The following EDC3 variants were observed in gnomAD, a reference collection of about 807,000 sequenced individuals.
EDC3 encodes enhancer of mRNA-decapping protein 3.
In EDC3, 20 loss-of-function variants were observed where a neutral mutation model predicts 41.8. The observed-to-expected ratio is 0.48, with a 90% confidence interval of 0.34 to 0.70. EDC3 has a LOEUF of 0.70. Ranked by LOEUF, EDC3 falls within the 30% of genes least tolerant of loss-of-function variation. EDC3 has a pLI of 0.01. For missense variants in EDC3, 444 were observed against 636.8 expected (o/e 0.70, Z 3.26); for synonymous variants, 206 against 243.2 (o/e 0.85, Z 1.42).
chr15:74,635,501 A>G lies in EDC3; in HGVS notation c.1100T>C (p.Phe367Ser). The G allele has an allele frequency of 6.2e-7, 1 of 1,614,258 alleles. No individual in the cohort carries two copies. Among genetic ancestry groups the G allele is most frequent in the Non-Finnish European group, 8.5e-7 (1 of 1,180,044 alleles). Reference protein sequence around the residue: ...LANHDVQVILFLPNFVKMLES... With the variant: ...LANHDVQVILSLPNFVKMLES... ...CAACATCTTGACAAAATTGGGCAGG[A>G]AAAGGATGACCTGGACATCATGGTT... Residue 367 changes from phenylalanine to serine, a missense_variant, in exon 6 of 7, where the codon TTC (phenylalanine) becomes TCC (serine). By Grantham distance (155) the Phe-to-Ser change is radical (BLOSUM62 -2). Transcript: ENST00000315127.
intron 1 of EDC3, among the ~76,000 whole-genome samples, chr15:74,685,117 A>G (rs1341079787): frequency 1.3e-5 from 2 of 152,140 alleles, no homozygotes; most frequent in African/African-American, 4.8e-5. Flanking sequence ...TGTGTTGGTC[A>G]GGCATGGTGG....
intron 1 of EDC3, among the ~76,000 whole-genome samples, chr15:74,675,549 A>G (rs1262483417): frequency 6.6e-6 from 1 of 150,486 alleles, no homozygotes; most frequent in Non-Finnish European, 1.5e-5. Context: ...TGATAATAAT[A>G]ATAATAATTA....
Position 74,632,588 on chromosome 15 carries a change from G to C in EDC3, c.*24C>G, listed in dbSNP as rs370249779. ...TTATCAGGAGCAGCAGGGGACAGCA[G>C]AGTCCTGCCTGCGCAGGAACCCTCT... On this transcript the variant is annotated 3_prime_UTR_variant, in exon 7 of 7. Coordinates refer to ENST00000315127, the MANE Select transcript of EDC3 (RefSeq NM_025083.5). The surrounding 1 kb of genome is among the most constrained non-coding windows in gnomAD (Gnocchi z 4.0). 10 of 1,605,034 alleles carry C rather than the reference G, an allele frequency of 6.2e-6. No homozygotes were observed. The highest frequency in any genetic ancestry group is 8.5e-6 in the Non-Finnish European group (10 of 1,173,838).
chr15:74,689,150 C>T (rs947305945), intron 1 of EDC3, among the ~76,000 whole-genome samples: 9 of 152,142 alleles, frequency 5.9e-5, no homozygotes, highest in African/African-American at 2.2e-4. Context: ...GCATATAACA[C>T]AGGAAGTCAT....
intron 1 of EDC3, among the ~76,000 whole-genome samples, chr15:74,683,690 C>T (rs993068586): frequency 2.6e-5 from 4 of 151,994 alleles, no homozygotes; most frequent in South Asian, 2.1e-4. Context: ...CTTACAATGG[C>T]ATGTGAATCT....
intron 4 of EDC3, among the ~76,000 whole-genome samples, chr15:74,652,622 C>G (rs1477739730): frequency 6.6e-6 from 1 of 151,796 alleles, no homozygotes; most frequent in Non-Finnish European, 1.5e-5. Context: ...GACTCTGTCA[C>G]CCAGGCTGGA....
chr15:74,689,272 C>A (rs1478693685), intron 1 of EDC3, among the ~76,000 whole-genome samples: 5 of 152,146 alleles, frequency 3.3e-5, no homozygotes, highest in African/African-American at 1.2e-4. Flanking sequence ...TCTTTCTGCT[C>A]CTCATCTTGC....
chr15:74,677,069 C>CTT (rs199609236), intron 1 of EDC3: 29 of 147,262 alleles, frequency 2.0e-4, no homozygotes, highest in South Asian at 1.3e-3. Context: ...ATGCATTTTT[C>CTT]TTTTTTTTTT....
chr15:74,692,239 A>G (rs1282439062), intron 1 of EDC3, among the ~76,000 whole-genome samples: 2 of 152,258 alleles, frequency 1.3e-5, no homozygotes, highest in African/African-American at 4.8e-5. Flanking sequence ...GCTTTAGGAT[A>G]AAATTCTGTG....
At chr15:74,674,071 C>T (rs766875070) in intron 2 of EDC3, among the ~76,000 whole-genome samples, 1 of 152,052 alleles carries the variant, frequency 6.6e-6, no homozygotes, top group Admixed American at 6.6e-5. Flanking sequence ...AACTAAAGGA[C>T]AGTACTGTAC....
Position 74,671,386 on chromosome 15 carries a change from C to G in EDC3, c.484+69G>C. On this transcript the variant is annotated intron_variant, in intron 3 of 6. Transcript: ENST00000315127. This position sits in a 1 kb window ranked among gnomAD's most constrained non-coding sequence, Gnocchi z 4.6. ...AATAACAAAGGATTTGTTTAAAGAG[C>G]AGCAGTGCTTATGGCTTATAGCCCT... The G allele has an allele frequency of 6.7e-7, 1 of 1,482,968 alleles. No homozygotes were observed. Among genetic ancestry groups the G allele is most frequent in the Admixed American group, 1.9e-5 (1 of 51,440 alleles). 91.9% of individuals were successfully genotyped at this position (1,482,968 alleles called of 1,614,324 possible). A position where few individuals can be genotyped will look rare whatever the true frequency, so the allele number is the denominator to read the frequency against.
At chr15:74,649,972 A>G (rs754524841) in intron 4 of EDC3, among the ~76,000 whole-genome samples, 2 of 152,004 alleles carry the variant, frequency 1.3e-5, no homozygotes, top group Non-Finnish European at 2.9e-5. Flanking sequence ...ATACCTCCAA[A>G]TCCTCCTGTT....
chr15:74,691,807 G>T (rs1458089343), intron 1 of EDC3, among the ~76,000 whole-genome samples: 1 of 151,976 alleles, frequency 6.6e-6, no homozygotes, highest in Non-Finnish European at 1.5e-5. Flanking sequence ...ATTATCTACG[G>T]CTATTTTCTG....
rs2062228981 is a variant in EDC3, at chr15:74,632,863, T to C, written c.1276A>G (p.Lys426Glu). Residue 426 changes from lysine (K) to glutamate (E), a missense_variant, in exon 7 of 7, where the codon AAG becomes GAG. Around this residue, in one of 3 missense-constraint regions of EDC3, gnomAD observed 242 missense variants for 363.8 expected, o/e 0.67. Transcript: ENST00000315127. This position sits in a 1 kb window ranked among gnomAD's most constrained non-coding sequence, Gnocchi z 4.0. ...NVFLRDQPWYKAAVAWANQNR... is the reference protein window; with the variant it reads ...NVFLRDQPWYEAAVAWANQNR... ...TGGTTGGCCCAGGCCACAGCTGCCT[T>C]GTACCAGGGTTGATCGCGCAGGAAG... 6.2e-7 allele frequency: 1 copy of C among 1,614,132 alleles called. No homozygotes were observed. The highest frequency in any genetic ancestry group is 1.3e-5 in the African/African-American group (1 of 74,934).
intron 4 of EDC3, among the ~76,000 whole-genome samples, chr15:74,646,059 GTT>G (rs1030593171): frequency 7.5e-6 from 1 of 133,328 alleles, no homozygotes; most frequent in African/African-American, 3.0e-5. Context: ...TGTTGTTGTT[GTT>G]TTGTTTTTTT....
chr15:74,679,674 C>T (rs1442467269), intron 1 of EDC3: 1 of 144,178 alleles, frequency 6.9e-6, no homozygotes, highest in African/African-American at 2.6e-5. Context: ...AATCCCAGCA[C>T]TTTGAGAGGC....
Position 74,671,135 on chromosome 15 carries a change from G to C in EDC3, c.484+320C>G, listed in dbSNP as rs2141648758. ...CCTGCCTCAACCTCTCAAGTAGCTGGGACTATAGATGCGTGCCACCACGCC... is the reference window on the plus strand; with the variant it reads ...CCTGCCTCAACCTCTCAAGTAGCTGCGACTATAGATGCGTGCCACCACGCC... On this transcript the variant is annotated intron_variant, in intron 3 of 6. Transcript: ENST00000315127. The surrounding 1 kb of genome is among the most constrained non-coding windows in gnomAD (Gnocchi z 4.6). Among the ~76,000 whole-genome samples, 1 of 152,124 alleles carries C rather than the reference G, an allele frequency of 6.6e-6. No individual in the cohort carries two copies. The highest frequency in any genetic ancestry group is 2.4e-5 in the African/African-American group (1 of 41,496).
rs2141650623 is a variant in EDC3, at chr15:74,671,918, G to C, written c.165-144C>G. ...CTAGGAAAGGGGGCTGTGTGCTTAA[G>C]GACAGGGGTCAGCCACCAACTATCC... On this transcript the variant is annotated intron_variant, in intron 2 of 6. Coordinates refer to ENST00000315127, the MANE Select transcript of EDC3 (RefSeq NM_025083.5). This position sits in a 1 kb window ranked among gnomAD's most constrained non-coding sequence, Gnocchi z 4.6. The C allele has an allele frequency of 2.5e-6, 2 of 788,672 alleles. No homozygotes were observed. The highest frequency in any genetic ancestry group is 7.3e-4 in the Middle Eastern group (2 of 2,758). The allele number at this position is 788,672 out of a possible 1,614,324, so 48.9% of individuals were successfully genotyped here.
At position 74,640,545 on chromosome 15, in the gene EDC3, G is replaced by GC. The variant is rs1232842137; in HGVS notation, c.894dup (p.Leu299AlafsTer4). The GC allele has an allele frequency of 6.2e-7, 1 of 1,614,080 alleles. No homozygotes were observed. Among genetic ancestry groups the GC allele is most frequent in the Non-Finnish European group, 8.5e-7 (1 of 1,180,042 alleles). On this transcript the variant is annotated frameshift_variant, in exon 5 of 7. Coordinates refer to ENST00000315127, the MANE Select transcript of EDC3 (RefSeq NM_025083.5). LOFTEE classifies it high-confidence loss of function. ...ATCTCCAGTCTCCGCTCAAGGGTCA[G>GC]CCCATGCTTCTCAGCCACGGACAAC...
Sources: gnomAD v4.1 joint callset for allele counts (sites outside exome capture counted in the v4.1 genomes callset) on GRCh38, gnomAD v4.1.1 for gene constraint, gnomAD v4.1.1 regional missense constraint, Gnocchi (gnomAD v3.1) non-coding constraint, MANE v1.5 for transcripts, NCBI Gene and HGNC (gene_info 2026-07-23, HGNC 2026-07-21) for gene names.